TOLLIP: variants seen among roughly 807,000 people sequenced by gnomAD.
TOLLIP encodes the protein toll interacting protein, also known as toll-interacting protein.
TOLLIP carries 16 observed loss-of-function variants against 33.5 expected under a neutral mutation model. The observed-to-expected ratio is 0.48, with a 90% CI of 0.32 to 0.72. The LOEUF (loss-of-function observed/expected upper bound fraction) is 0.72. Among genes scored for constraint, TOLLIP ranks in the 30% least tolerant of loss-of-function variants. The probability of loss-of-function intolerance (pLI) is 0.03; values close to 1 mark genes in which losing one functional copy is unlikely to be tolerated. For synonymous variants in TOLLIP, 176 were observed against 163.7 expected (o/e 1.07, Z -0.57); for missense variants, 325 against 396.6 (o/e 0.82, Z 1.53).
chr11:1,302,474 T>C, intron 1 of TOLLIP: 1 of 732,054 alleles, frequency 1.4e-6, no homozygotes, highest in Non-Finnish European at 1.7e-6. Flanking sequence ...AGTTTAGCAT[T>C]TTCCAAAATA....
chr11:1,283,339 A>C (rs1863566520), intron 5 of TOLLIP: 1 of 340,678 alleles, frequency 2.9e-6, no homozygotes, highest in Non-Finnish European at 5.7e-6. Context: ...ATGGAGGGCC[A>C]GTGACCCCGG....
chr11:1,295,718 G>A lies in TOLLIP; in HGVS notation c.110C>T (p.Ala37Val). The change falls in exon 2 of 6, where the codon GCC becomes GTC. Residue 37 changes from alanine to valine, a missense_variant. Physicochemically the swap from Ala to Val is moderately conservative, Grantham distance 64. Transcript: ENST00000317204. Reference sequence around the variant, plus strand: ...GTACTGCAGCTGCTGGGCCGCCTGGGCGTCCAGCTGGACCTGCCGCTGCTG... The same window carrying A: ...GTACTGCAGCTGCTGGGCCGCCTGGACGTCCAGCTGGACCTGCCGCTGCTG... ...TQQQRQVQLD[A>V]QAAQQLQYGG... The A allele has an allele frequency of 6.2e-7, 1 of 1,610,282 alleles. No individual in the cohort carries two copies. The highest frequency in any genetic ancestry group is 8.5e-7 in the Non-Finnish European group (1 of 1,178,762).
chr11:1,309,543 G>T lies in TOLLIP; in HGVS notation c.-45C>A. Reference sequence around the variant, plus strand: ...TGGCTCGCCGACCCGACAGTGACGCGCCGGGCGACCTCCTGCGCCCCCGCC... The same window carrying T: ...TGGCTCGCCGACCCGACAGTGACGCTCCGGGCGACCTCCTGCGCCCCCGCC... On this transcript the variant is annotated 5_prime_UTR_variant, in exon 1 of 6. Coordinates refer to ENST00000317204, the MANE Select transcript of TOLLIP (RefSeq NM_019009.4). 3 of 1,244,996 alleles carry T rather than the reference G, an allele frequency of 2.4e-6. No individual in the cohort carries two copies. Among genetic ancestry groups the T allele is most frequent in the Non-Finnish European group, 3.1e-6 (3 of 978,034 alleles). The allele number at this position is 1,244,996 out of a possible 1,614,324, so 77.1% of individuals were successfully genotyped here.
At position 1,278,158 on chromosome 11, in the gene TOLLIP, G is replaced by A. The variant is rs1486779862; in HGVS notation, c.611-905C>T. ...CCTGGTGGCCGCTCCCTAAAACCAC[G>A]AGCAGCCCTGAGCACAGGCAGCGTG... On this transcript the variant is annotated intron_variant, in intron 5 of 5. Coordinates refer to ENST00000317204, the MANE Select transcript of TOLLIP (RefSeq NM_019009.4). This position sits in a 1 kb window ranked among gnomAD's most constrained non-coding sequence, Gnocchi z 4.7. 1.3e-5 allele frequency among the ~76,000 whole-genome samples: 2 copies of A among 152,100 alleles called. No homozygotes were observed. The highest frequency in any genetic ancestry group is 1.9e-4 in the East Asian group (1 of 5,162).
At chr11:1,286,836 G>A (rs570347057) in intron 4 of TOLLIP, among the ~76,000 whole-genome samples, 48 of 147,570 alleles carry the variant, frequency 3.3e-4, no homozygotes, top group African/African-American at 4.5e-4. Context: ...CACTGCTGTC[G>A]TCTCTGAGTT....
chr11:1,276,782 C>G lies in TOLLIP; in HGVS notation c.*257G>C. Reference sequence around the variant, plus strand: ...CAGAACGGCATGAGAAGGAGAGACGCACGTCCCAGGGACAGGAGAGCGCGC... The same window carrying G: ...CAGAACGGCATGAGAAGGAGAGACGGACGTCCCAGGGACAGGAGAGCGCGC... On this transcript the variant is annotated 3_prime_UTR_variant, in exon 6 of 6. Transcript: ENST00000317204. The G allele has an allele frequency of 1.3e-6, 2 of 1,514,802 alleles. No individual in the cohort carries two copies. Among genetic ancestry groups the G allele is most frequent in the Non-Finnish European group, 1.8e-6 (2 of 1,133,510 alleles). The allele number at this position is 1,514,802 out of a possible 1,614,324, so 93.8% of individuals were successfully genotyped here. A position where few individuals can be genotyped will look rare whatever the true frequency, so the allele number is the denominator to read the frequency against.
chr11:1,309,505 G>T lies in TOLLIP; in HGVS notation c.-7C>A. 1 of 1,310,788 alleles carries T rather than the reference G, an allele frequency of 7.6e-7. No homozygotes were observed. Among genetic ancestry groups the T allele is most frequent in the South Asian group, 1.9e-5 (1 of 52,828 alleles). The allele number at this position is 1,310,788 out of a possible 1,614,324, so 81.2% of individuals were successfully genotyped here. ...TGCTGACGGTGGTCGCCATGGTGCTGCGGCGGCCCCCGTGGCTCGCCGACC... is the reference window on the plus strand; with the variant it reads ...TGCTGACGGTGGTCGCCATGGTGCTTCGGCGGCCCCCGTGGCTCGCCGACC... On this transcript the variant is annotated 5_prime_UTR_variant, in exon 1 of 6. Transcript: ENST00000317204.
chr11:1,288,765 G>A lies in TOLLIP; in HGVS notation c.378C>T (p.Ser126=), dbSNP rs751211641. 2 of 1,612,310 alleles carry A rather than the reference G, an allele frequency of 1.2e-6. No individual in the cohort carries two copies. The highest frequency in any genetic ancestry group is 1.1e-5 in the South Asian group (1 of 91,024). ...YLEIFDERAF[S]MDDRIAWTHI... ...GGGTCCAGGCAATGCGGTCGTCCAT[G>A]GAGAAGGCTCTCTGCGGGAGACAAG... Residue 126 remains serine (S), a synonymous_variant, in exon 4 of 6, where the codon TCC becomes TCT. Transcript: ENST00000317204.
At position 1,303,219 on chromosome 11, in the gene TOLLIP, C is replaced by T. The variant is rs573998177; in HGVS notation, c.33+6247G>A. The stretch of plus-strand genomic sequence containing the variant: ...GGGGTCTCTGCCAGGAACTCCACTG[C>T]AGGCAGCCTTGCATCCTAAGTGCTG... On this transcript the variant is annotated intron_variant, in intron 1 of 5. Transcript: ENST00000317204. The surrounding 1 kb of genome is among the most constrained non-coding windows in gnomAD (Gnocchi z 4.2). 1.3e-5 allele frequency among the ~76,000 whole-genome samples: 2 copies of T among 152,176 alleles called. No homozygotes were observed. Among genetic ancestry groups the T allele is most frequent in the African/African-American group, 4.8e-5 (2 of 41,438 alleles).
rs1590202145 is a variant in TOLLIP, at chr11:1,276,922, C to T, written c.*117G>A. On this transcript the variant is annotated 3_prime_UTR_variant, in exon 6 of 6. Coordinates refer to ENST00000317204, the MANE Select transcript of TOLLIP (RefSeq NM_019009.4). ...GTGGACGGGGCGGCACAGAAGTCCA[C>T]GGGAGGGGGCGACACGGGTGCTCTT... The T allele has an allele frequency of 1.7e-5, 27 of 1,569,918 alleles. No homozygotes were observed. The highest frequency in any genetic ancestry group is 1.7e-4 in the Middle Eastern group (1 of 5,844).
chr11:1,305,562 C>G (rs1864401408), intron 1 of TOLLIP, among the ~76,000 whole-genome samples: 1 of 152,168 alleles, frequency 6.6e-6, no homozygotes, highest in Non-Finnish European at 1.5e-5. Flanking sequence ...ATGGGGAAAG[C>G]TAATCTTTAC....
chr11:1,290,968 C>G lies in TOLLIP; in HGVS notation c.184-559G>C, dbSNP rs893455653. ...GTACGTGGGGTTTTGGGGACTGGAA[C>G]TTGTCTTTCTTGTGTCTCCCAATCA... On this transcript the variant is annotated intron_variant, in intron 2 of 5. Transcript: ENST00000317204. This position sits in a 1 kb window ranked among gnomAD's most constrained non-coding sequence, Gnocchi z 4.9. 3 of 153,866 alleles carry G rather than the reference C, an allele frequency of 1.9e-5. No individual in the cohort carries two copies. Among genetic ancestry groups the G allele is most frequent in the Admixed American group, 1.3e-4 (2 of 15,600 alleles). 9.5% of individuals were successfully genotyped at this position (153,866 alleles called of 1,614,324 possible).
chr11:1,301,916 G>A (rs575350597), intron 1 of TOLLIP, among the ~76,000 whole-genome samples: 2 of 152,356 alleles, frequency 1.3e-5, no homozygotes, highest in Admixed American at 1.3e-4. Context: ...CCTCTTGGGC[G>A]AGGTCTGAGT....
intron 1 of TOLLIP, among the ~76,000 whole-genome samples, chr11:1,298,844 C>T (rs941680056): frequency 2.0e-5 from 3 of 152,182 alleles, no homozygotes; most frequent in African/African-American, 7.2e-5. Context: ...AACCCACACC[C>T]CAATTAAGAG....
chr11:1,284,832 A>T (rs925252127), intron 5 of TOLLIP, among the ~76,000 whole-genome samples: 1 of 152,160 alleles, frequency 6.6e-6, no homozygotes, highest in African/African-American at 2.4e-5. Flanking sequence ...TTTGTCCGAG[A>T]ATGTCCTGAA....
At chr11:1,279,972 G>A (rs1185013206) in intron 5 of TOLLIP, among the ~76,000 whole-genome samples, 3 of 152,166 alleles carry the variant, frequency 2.0e-5, no homozygotes, top group Non-Finnish European at 2.9e-5. Context: ...AGACTGTTCC[G>A]GAACTCCCAA....
chr11:1,277,218 C>A lies in TOLLIP; in HGVS notation c.646G>T (p.Val216Leu). ...PAVCSPGMVP[V>L]ALPPAAVNAQ... ...TTCACGGCGGCCGGGGGCAGGGCCA[C>A]GGGCACCATGCCGGGGCTACAGACA... The change falls in exon 6 of 6, where the codon GTG becomes TTG. Residue 216 changes from valine (V) to leucine (L), a missense_variant. Transcript: ENST00000317204. The surrounding 1 kb of genome is among the most constrained non-coding windows in gnomAD (Gnocchi z 4.2). 1 of 1,587,374 alleles carries A rather than the reference C, an allele frequency of 6.3e-7. No homozygotes were observed.
chr11:1,289,573 C>G (rs1020842651), intron 3 of TOLLIP, among the ~76,000 whole-genome samples: 4 of 152,224 alleles, frequency 2.6e-5, no homozygotes, highest in Admixed American at 6.5e-5. Context: ...CTGGAAATCC[C>G]ACCTGCTGGT....
chr11:1,295,564 A>G (rs1165236480), intron 2 of TOLLIP, 81 bp downstream of exon 2: 4 of 1,401,108 alleles, frequency 2.9e-6, no homozygotes, highest in African/African-American at 2.9e-5. Context: ...TAGGAAATGC[A>G]GTATAAACGC....
Sources: allele counts gnomAD v4.1 joint callset (sites outside exome capture counted in the v4.1 genomes callset), GRCh38; gene constraint gnomAD v4.1.1; non-coding constraint Gnocchi (gnomAD v3.1); transcripts MANE v1.5; gene names NCBI Gene and HGNC (gene_info 2026-07-23, HGNC 2026-07-21).